WDR72: variants seen among roughly 807,000 people sequenced by gnomAD.
WDR72 encodes the protein WD repeat domain 72, also known as WD repeat-containing protein 72.
In WDR72, 120 loss-of-function variants were observed where a neutral mutation model predicts 124.2. That is an observed-to-expected ratio of 0.97 (90% CI 0.83 to 1.12). The LOEUF (loss-of-function observed/expected upper bound fraction) is 1.12, where lower values mean the gene tolerates loss of function less well. Ranked by LOEUF, WDR72 falls within the 50% of genes most tolerant of loss-of-function variation. The pLI is 0.00. For missense variants in WDR72, 1,387 were observed against 1,278.8 expected (o/e 1.08, Z -1.29); for synonymous variants, 452 against 441.7 (o/e 1.02, Z -0.29).
intron 14 of WDR72, among the ~76,000 whole-genome samples, chr15:53,639,131 C>T (rs552491086): frequency 3.0e-4 from 46 of 152,242 alleles, no homozygotes; most frequent in Non-Finnish European, 2.6e-4. Flanking sequence ...CCTTTTCTTT[C>T]CCTTCTCTGA....
In WDR72 at chr15:53,704,951, T is replaced by C. The variant is rs533333011; in HGVS notation, c.1348+37A>G. ...AGTCTGTTGAAATTGCAGCTTTAGA[T>C]AAATCAAATAAATAGGGTCAAATAA... On this transcript the variant is annotated intron_variant, in intron 11 of 19. Coordinates refer to ENST00000360509, the MANE Select transcript of WDR72 (RefSeq NM_182758.4). The C allele has an allele frequency of 5.2e-5, 83 of 1,610,566 alleles. No individual in the cohort carries two copies. The South Asian group carries it at 9.1e-4, about 18-fold the overall frequency.
intron 14 of WDR72, among the ~76,000 whole-genome samples, chr15:53,634,453 G>C (rs537371782): frequency 6.6e-6 from 1 of 152,098 alleles, no homozygotes; most frequent in East Asian, 1.9e-4. Context: ...ATTGTCTTGG[G>C]CCACACATAA....
intron 14 of WDR72, among the ~76,000 whole-genome samples, chr15:53,656,884 C>A (rs537181307): frequency 2.6e-5 from 4 of 151,984 alleles, no homozygotes; most frequent in Non-Finnish European, 4.4e-5. Context: ...TAAATAATAA[C>A]CTCTTTAAGT....
At chr15:53,656,137 G>C (rs1199746899) in intron 14 of WDR72, among the ~76,000 whole-genome samples, 1 of 152,232 alleles carries the variant, frequency 6.6e-6, no homozygotes, top group Admixed American at 6.5e-5. Context: ...ACAGCAGCTT[G>C]TTAGGATCAT....
chr15:53,688,379 AT>A (rs2016717833), intron 13 of WDR72, among the ~76,000 whole-genome samples: 1 of 148,404 alleles, frequency 6.7e-6, no homozygotes, highest in Admixed American at 6.6e-5. Flanking sequence ...AGGATACAAA[AT>A]CAATGTACAA....
At chr15:53,758,588 A>T (rs76583695) in intron 1 of WDR72, among the ~76,000 whole-genome samples, 1 of 152,064 alleles carries the variant, frequency 6.6e-6, no homozygotes, top group Non-Finnish European at 1.5e-5. Context: ...CTTGCATGAC[A>T]GAAGTGGCCG....
At chr15:53,598,432 G>A (rs1378022527) in intron 17 of WDR72, among the ~76,000 whole-genome samples, 2 of 151,864 alleles carry the variant, frequency 1.3e-5, no homozygotes, top group Non-Finnish European at 2.9e-5. Context: ...CGAGAGTGGT[G>A]ACCTAGAGAT....
chr15:53,703,089 T>C (rs2017234470), intron 11 of WDR72, among the ~76,000 whole-genome samples: 3 of 152,074 alleles, frequency 2.0e-5, no homozygotes, highest in South Asian at 4.2e-4. Flanking sequence ...AATTTTTGTT[T>C]TTTTTGCAGG....
chr15:53,656,689 A>G (rs1026428206), intron 14 of WDR72, among the ~76,000 whole-genome samples: 1 of 152,200 alleles, frequency 6.6e-6, no homozygotes, highest in Non-Finnish European at 1.5e-5. Context: ...TAATAGTTTG[A>G]GTTAACATTT....
Position 53,715,799 on chromosome 15 carries a change from G to C in WDR72, c.340-432C>G, listed in dbSNP as rs145840102. Reference sequence around the variant, plus strand: ...CCACTGTACTTCAGCCTGGGTGACAGAGCAAGACCCTGTCTCTTAAAGAGA... The same window carrying C: ...CCACTGTACTTCAGCCTGGGTGACACAGCAAGACCCTGTCTCTTAAAGAGA... On this transcript the variant is annotated intron_variant, in intron 4 of 19. Coordinates refer to ENST00000360509, the MANE Select transcript of WDR72 (RefSeq NM_182758.4). 3.7e-4 allele frequency among the ~76,000 whole-genome samples: 56 copies of C among 152,270 alleles called. No individual in the cohort carries two copies. In the East Asian group the frequency reaches 0.01, roughly 28 times the overall value.
At chr15:53,553,414 G>A (rs1388798339) in intron 18 of WDR72, among the ~76,000 whole-genome samples, 2 of 152,132 alleles carry the variant, frequency 1.3e-5, no homozygotes, top group Non-Finnish European at 2.9e-5. Context: ...GTGTTATGTA[G>A]CACGGGGAGA....
intron 14 of WDR72, among the ~76,000 whole-genome samples, chr15:53,619,602 A>G (rs1279798806): frequency 2.0e-5 from 3 of 151,998 alleles, no homozygotes; most frequent in Non-Finnish European, 4.4e-5. Flanking sequence ...TTCTCACTGA[A>G]TACGCATCTC....
At chr15:53,584,943 G>A (rs2140322472) in intron 18 of WDR72, among the ~76,000 whole-genome samples, 1 of 152,022 alleles carries the variant, frequency 6.6e-6, no homozygotes, top group African/African-American at 2.4e-5. Flanking sequence ...ATGTTTATTG[G>A]GAAGTAACAC....
chr15:53,711,962 T>C (rs1345920279), intron 7 of WDR72, among the ~76,000 whole-genome samples: 1 of 152,220 alleles, frequency 6.6e-6, no homozygotes, highest in East Asian at 1.9e-4. Flanking sequence ...TATGAAATGA[T>C]GGCAACTTAG....
chr15:53,733,851 G>T (rs541159971), intron 1 of WDR72, among the ~76,000 whole-genome samples: 8 of 152,250 alleles, frequency 5.3e-5, no homozygotes, highest in African/African-American at 1.9e-4. Context: ...ATCACTCAGT[G>T]ATGTGTGCAT....
intron 14 of WDR72, among the ~76,000 whole-genome samples, chr15:53,661,487 A>G (rs911244603): frequency 6.6e-6 from 1 of 152,180 alleles, no homozygotes; most frequent in African/African-American, 2.4e-5. Context: ...ATGCCCCATG[A>G]CCTAAAGACC....
intron 18 of WDR72, among the ~76,000 whole-genome samples, chr15:53,569,062 A>G (rs187980992): frequency 2.1e-5 from 3 of 141,110 alleles, no homozygotes; most frequent in Non-Finnish European, 4.6e-5. Context: ...TTTACTGAAA[A>G]CATAATACTA....
rs2018083721 is a variant in WDR72 at position 53,727,745 on chromosome 15, C to T, written c.154-4837G>A. Among the ~76,000 whole-genome samples, 5 of 152,188 alleles carry T rather than the reference C, an allele frequency of 3.3e-5. No homozygotes were observed. The South Asian group carries it at 1.0e-3, about 31-fold the overall frequency. ...CCATGGACAAAATATCAGAACAGAACATCATGGCCTTTCATATGAAGTCCT... is the reference window on the plus strand; with the variant it reads ...CCATGGACAAAATATCAGAACAGAATATCATGGCCTTTCATATGAAGTCCT... On this transcript the variant is annotated intron_variant, in intron 2 of 19. Coordinates refer to ENST00000360509, the MANE Select transcript of WDR72 (RefSeq NM_182758.4).
At chr15:53,609,948 T>C (rs566550644) in intron 16 of WDR72, among the ~76,000 whole-genome samples, 1 of 152,220 alleles carries the variant, frequency 6.6e-6, no homozygotes, top group South Asian at 2.1e-4. Flanking sequence ...AACACATTTT[T>C]GTTCTTTTTG....
Sources: allele counts gnomAD v4.1 joint callset (sites outside exome capture counted in the v4.1 genomes callset), GRCh38; gene constraint gnomAD v4.1.1; transcripts MANE v1.5; gene names NCBI Gene and HGNC (gene_info 2026-07-23, HGNC 2026-07-21).